TRIB3: variants seen among roughly 807,000 people sequenced by gnomAD.
The protein encoded by TRIB3 is tribbles pseudokinase 3.
Under a neutral mutation model 16.6 loss-of-function variants are expected in TRIB3, and 20 were observed. The ratio of observed to expected loss-of-function variants is 1.20; its 90% CI spans 0.85 to 1.75. The LOEUF (loss-of-function observed/expected upper bound fraction) is 1.75. Among genes scored for constraint, TRIB3 ranks in the 40% most tolerant of loss-of-function variants. The probability of loss-of-function intolerance (pLI) is 0.00; values close to 1 mark genes in which losing one functional copy is unlikely to be tolerated. For missense variants in TRIB3, 484 were observed against 488.9 expected, an observed-to-expected ratio of 0.99 and a Z score of 0.10; for synonymous variants, 208 against 217.0, an observed-to-expected ratio of 0.96 and a Z score of 0.36.
At chr20:387,942 C>T (rs545742469) in intron 1 of TRIB3, 69 bp from the exon 2 acceptor site, 1 of 1,544,364 alleles carries the variant, frequency 6.5e-7, no homozygotes, top group South Asian at 1.2e-5. Flanking sequence ...CACGTATCCT[C>T]CCACCAGCAG....
At chr20:387,674 C>T (rs901311139) in intron 1 of TRIB3, among the ~76,000 whole-genome samples, 1 of 152,024 alleles carries the variant, frequency 6.6e-6, no homozygotes, top group African/African-American at 2.4e-5. Flanking sequence ...CTTCCTTGTC[C>T]TTTTTCAGGG....
chr20:391,618 CA>C (rs1339306650), intron 3 of TRIB3, 39 bp downstream of exon 3: 12 of 1,582,294 alleles, frequency 7.6e-6, no homozygotes, highest in Non-Finnish European at 9.5e-6. Context: ...CAGACACACC[CA>C]GGGGGTGGGC....
chr20:381,637 A>G (rs7263718), intron 1 of TRIB3: 56,787 of 151,342 alleles, frequency 0.38, 11,443 homozygotes, highest in African/African-American at 0.5. Context: ...GTGGGTCCCG[A>G]GCACCTGTGT....
At chr20:382,515 G>A in intron 1 of TRIB3, 2 of 1,535,184 alleles carry the variant, frequency 1.3e-6, no homozygotes, top group Non-Finnish European at 1.7e-6. Flanking sequence ...TCCCAGCCTC[G>A]AACCTGGGGA....
At chr20:395,451 G>A (rs987712999) in intron 3 of TRIB3, among the ~76,000 whole-genome samples, 5 of 151,632 alleles carry the variant, frequency 3.3e-5, no homozygotes, top group Non-Finnish European at 5.9e-5. Context: ...ATGAGCCACC[G>A]CGCCCAGCCT....
rs990399376 is a variant in TRIB3 at position 380,968 on chromosome 20, C to G, written c.-202C>G. ...GGGATTAGCTCCGGTTTGCATCACC[C>G]GGACCGGGGGCCGGGCGCGCACGAG... On this transcript the variant is annotated 5_prime_UTR_variant, in exon 1 of 4. Transcript: ENST00000217233. 3 of 142,552 alleles carry G rather than the reference C, an allele frequency of 2.1e-5. No individual in the cohort carries two copies. The highest frequency in any genetic ancestry group is 8.1e-5 in the African/African-American group (3 of 37,088). The allele number at this position is 142,552 out of a possible 1,614,324, so 8.8% of individuals were successfully genotyped here.
intron 2 of TRIB3, among the ~76,000 whole-genome samples, chr20:389,929 C>T (rs982446845): frequency 1.3e-5 from 2 of 152,128 alleles, no homozygotes; most frequent in African/African-American, 2.4e-5. Flanking sequence ...ATTGAGCACC[C>T]GTATTTGCCA....
intron 2 of TRIB3, 54 bp downstream of exon 2, chr20:388,355 G>A (rs1600250635): frequency 6.5e-7 from 1 of 1,539,846 alleles, no homozygotes; most frequent in South Asian, 1.2e-5. Context: ...TGGGAAGGAG[G>A]CCTCCAAAGG....
chr20:386,134 G>A (rs2014799763), intron 1 of TRIB3, among the ~76,000 whole-genome samples: 3 of 152,078 alleles, frequency 2.0e-5, no homozygotes, highest in African/African-American at 7.2e-5. Context: ...AAAGTGCTAG[G>A]ATTACAGGTG....
intron 1 of TRIB3, among the ~76,000 whole-genome samples, chr20:381,910 C>T (rs916178107): frequency 2.4e-4 from 37 of 152,168 alleles, no homozygotes; most frequent in Admixed American, 3.9e-4. Context: ...GGGACGACAG[C>T]CACCTCCTTC....
At chr20:383,710 G>T (rs1411905783) in intron 1 of TRIB3, among the ~76,000 whole-genome samples, 1 of 152,118 alleles carries the variant, frequency 6.6e-6, no homozygotes, top group African/African-American at 2.4e-5. Flanking sequence ...AAAGTACTGG[G>T]ATTACAGGCA....
intron 3 of TRIB3, 80 bp from the exon 4 acceptor site, chr20:396,118 G>A: frequency 6.6e-7 from 1 of 1,524,704 alleles, no homozygotes; most frequent in African/African-American, 1.4e-5. Context: ...GAAAGTGGGT[G>A]CCACAAGGGT....
intron 2 of TRIB3, 63 bp from the exon 3 acceptor site, chr20:391,220 CTGTT>C: frequency 2.0e-6 from 3 of 1,538,292 alleles, no homozygotes; most frequent in Non-Finnish European, 2.6e-6. Flanking sequence ...TCAGCTGTGA[CTGTT>C]TGCAATGCCA....
rs1335195279 is a variant in TRIB3, at chr20:388,250, G to T, written c.240G>T (p.Gly80=). 6.2e-7 allele frequency: 1 copy of T among 1,613,302 alleles called. No individual in the cohort carries two copies. The highest frequency in any genetic ancestry group is 8.5e-7 in the Non-Finnish European group (1 of 1,180,022). The change falls in exon 2 of 4, where the codon GGG becomes GGT. Residue 80 remains glycine, a synonymous_variant. Transcript: ENST00000217233. The part of the protein sequence containing the change: ...PYVLLEPEEG[G]RAYQALHCPT... ...TCCTCCTGGAGCCCGAGGAGGGCGG[G>T]CGGGCCTACCAGGCCCTGCACTGCC...
At position 382,423 on chromosome 20, in the gene TRIB3, TG is replaced by T. The variant is rs1331813311; in HGVS notation, c.-1+1255del. ...GCCAGAGGGACTCCAGGCAGTCTCC[TG>T]CTGCACAGGGCACAAAGCATGTGCA... On this transcript the variant is annotated intron_variant, in intron 1 of 3. Coordinates refer to ENST00000217233, the MANE Select transcript of TRIB3 (RefSeq NM_021158.5). 4.0e-5 allele frequency: 44 copies of T among 1,108,346 alleles called. 1 individual carries two copies. The South Asian group carries it at 6.1e-4, about 15-fold the overall frequency. 68.7% of individuals were successfully genotyped at this position (1,108,346 alleles called of 1,614,324 possible).
At chr20:384,511 G>GCC (rs1180453741) in intron 1 of TRIB3, among the ~76,000 whole-genome samples, 1 of 152,142 alleles carries the variant, frequency 6.6e-6, no homozygotes, top group African/African-American at 2.4e-5. Context: ...CTACAGGCAT[G>GCC]CACCACCATG....
At chr20:390,879 G>A (rs1008638862) in intron 2 of TRIB3, among the ~76,000 whole-genome samples, 4 of 151,868 alleles carry the variant, frequency 2.6e-5, no homozygotes, top group African/African-American at 4.8e-5. Context: ...GCACATGCCT[G>A]TAATCCCAGC....
At chr20:389,530 G>T (rs576196093) in intron 2 of TRIB3, among the ~76,000 whole-genome samples, 1 of 152,174 alleles carries the variant, frequency 6.6e-6, no homozygotes, top group Non-Finnish European at 1.5e-5. Flanking sequence ...CAGCGGGGCA[G>T]ATCCAGACAG....
intron 1 of TRIB3, among the ~76,000 whole-genome samples, chr20:386,035 ATTT>A (rs890747778): frequency 6.7e-6 from 1 of 149,006 alleles, no homozygotes; most frequent in African/African-American, 2.5e-5. Flanking sequence ...TTAAAAAAAA[ATTT>A]TTTTTTGTAG....
Sources: allele counts gnomAD v4.1 joint callset (sites outside exome capture counted in the v4.1 genomes callset), GRCh38; gene constraint gnomAD v4.1.1; transcripts MANE v1.5; gene names NCBI Gene and HGNC (gene_info 2026-07-23, HGNC 2026-07-21).